PTPRT: variants seen among roughly 807,000 people sequenced by gnomAD.
PTPRT encodes receptor-type tyrosine-protein phosphatase T.
A neutral mutation model predicts 176.8 loss-of-function variants in PTPRT; 56 were observed. The ratio of observed to expected loss-of-function variants is 0.32; its 90% CI spans 0.26 to 0.40. The LOEUF (loss-of-function observed/expected upper bound fraction) is 0.40. Ranked by LOEUF, PTPRT falls within the 10% of genes least tolerant of loss-of-function variation. The pLI, the probability that PTPRT is intolerant of heterozygous loss-of-function variation, is 1.00. For synonymous variants in PTPRT, 783 were observed against 739.0 expected (o/e 1.06, Z -0.96); for missense variants, 1,540 against 1,908.2 (o/e 0.81, Z 3.60).
At chr20:42,455,425 T>C (rs2070904919) in intron 8 of PTPRT, among the ~76,000 whole-genome samples, 2 of 152,180 alleles carry the variant, frequency 1.3e-5, no homozygotes, top group East Asian at 1.9e-4. Flanking sequence ...CCTGAGACCA[T>C]CTCCTAAATA....
the PTPRT span, among the ~76,000 whole-genome samples, chr20:42,049,104 A>G: frequency 1.5e-3 from 225 of 152,238 alleles, 2 homozygotes; most frequent in African/African-American, 5.2e-3. Flanking sequence ...AGAGGCGCAT[A>G]CCACTGCCAC....
intron 1 of PTPRT, among the ~76,000 whole-genome samples, chr20:43,162,004 T>C (rs2014712961): frequency 1.3e-5 from 2 of 152,220 alleles, no homozygotes; most frequent in Admixed American, 1.3e-4. Context: ...TAGATTATTA[T>C]TGCAACATTA....
intron 1 of PTPRT, among the ~76,000 whole-genome samples, chr20:43,049,144 C>A (rs1986951143): frequency 6.6e-6 from 1 of 152,162 alleles, no homozygotes. Context: ...ACCTCTCAGC[C>A]CCACCATTCT....
the PTPRT span, among the ~76,000 whole-genome samples, chr20:42,056,023 C>T: frequency 6.6e-6 from 1 of 152,204 alleles, no homozygotes; most frequent in Non-Finnish European, 1.5e-5. Flanking sequence ...CCGCTGTCCC[C>T]TCTTAGTCCT....
chr20:43,163,127 T>TA (rs1356386525), intron 1 of PTPRT, among the ~76,000 whole-genome samples: 1 of 152,184 alleles, frequency 6.6e-6, no homozygotes, highest in Non-Finnish European at 1.5e-5. Context: ...TGGCAATCCT[T>TA]ACAAAAGTTT....
intron 16 of PTPRT, among the ~76,000 whole-genome samples, chr20:42,197,570 A>C (rs535005705): frequency 6.6e-6 from 1 of 152,142 alleles, no homozygotes; most frequent in East Asian, 1.9e-4. Context: ...CAATTTGACT[A>C]TGAACTGGTA....
chr20:42,610,392 GTTTTT>G (rs1219274178), intron 7 of PTPRT, among the ~76,000 whole-genome samples: 19 of 128,996 alleles, frequency 1.5e-4, no homozygotes, highest in Admixed American at 3.9e-4. Flanking sequence ...TTTTTTTTTT[GTTTTT>G]TTTTTTGAGA....
At chr20:42,211,843 C>G (rs1168204445) in intron 15 of PTPRT, among the ~76,000 whole-genome samples, 1 of 151,698 alleles carries the variant, frequency 6.6e-6, no homozygotes, top group Non-Finnish European at 1.5e-5. Flanking sequence ...AAGACACATG[C>G]ACACATATGT....
chr20:43,001,883 AAAAC>A (rs774894717), intron 1 of PTPRT, among the ~76,000 whole-genome samples: 9,143 of 144,804 alleles, frequency 0.063, 301 homozygotes, highest in Non-Finnish European at 0.078. Flanking sequence ...AACAAACAAA[AAAAC>A]AAACAAAAAA....
Position 42,352,213 on chromosome 20 carries a change from G to T in PTPRT, c.1633C>A (p.Leu545Ile), listed in dbSNP as rs1338174649. The change falls in exon 10 of 31, where the codon CTC becomes ATC. Residue 545 changes from leucine (L) to isoleucine (I), a missense_variant. Physicochemically the swap from Leu to Ile is conservative, Grantham distance 5. Transcript: ENST00000373187. Reference sequence around the variant, plus strand: ...AAGAGGTGGTGGGTTTCATTCCGGAGCTTGAACACTTTCCCCCTCTGGCTC... The same window carrying T: ...AAGAGGTGGTGGGTTTCATTCCGGATCTTGAACACTTTCCCCCTCTGGCTC... ...LSSQRGKVFK[L>I]RNETHHLFVG... is the part of the protein sequence containing the mutation. 6.2e-7 allele frequency: 1 copy of T among 1,614,154 alleles called. No homozygotes were observed. The highest frequency in any genetic ancestry group is 1.7e-5 in the Admixed American group (1 of 60,022).
rs937708186 is a variant in PTPRT at position 42,678,236 on chromosome 20, G to GGACA, written c.860-81_860-78dup. On this transcript the variant is annotated intron_variant, in intron 6 of 30. Coordinates refer to ENST00000373187, the MANE Select transcript of PTPRT (RefSeq NM_007050.6). ...CAGACTACAAGCACATGACGACAAG[G>GGACA]GACAGAATTCTTGATGTAGCCACAA... 13 of 1,387,980 alleles carry GGACA rather than the reference G, an allele frequency of 9.4e-6. No homozygotes were observed. In the African/African-American group the frequency reaches 1.9e-4, roughly 20 times the overall value. 86.0% of individuals were successfully genotyped at this position (1,387,980 alleles called of 1,614,324 possible).
chr20:42,166,594 G>A (rs1037389435), intron 16 of PTPRT, among the ~76,000 whole-genome samples: 9 of 152,076 alleles, frequency 5.9e-5, no homozygotes, highest in Non-Finnish European at 1.3e-4. Context: ...TTTTGTTTTA[G>A]TGCTCACTAA....
chr20:42,461,504 C>T (rs1043610951), intron 8 of PTPRT, among the ~76,000 whole-genome samples: 1 of 152,178 alleles, frequency 6.6e-6, no homozygotes, highest in Non-Finnish European at 1.5e-5. Flanking sequence ...CACTGCCCTC[C>T]AGCCTGGGAG....
chr20:43,010,616 G>A (rs1600645440), intron 1 of PTPRT, among the ~76,000 whole-genome samples: 1 of 152,050 alleles, frequency 6.6e-6, no homozygotes, highest in Admixed American at 6.6e-5. Context: ...CTGGTTGACA[G>A]CATCATCGTC....
chr20:42,640,805 A>G (rs1445132128), intron 7 of PTPRT, among the ~76,000 whole-genome samples: 1 of 152,152 alleles, frequency 6.6e-6, no homozygotes, highest in Non-Finnish European at 1.5e-5. Context: ...CCTCTGTGTC[A>G]GTCAGATTTT....
In PTPRT at chr20:42,110,387, C is replaced by T. The variant is rs749859329; in HGVS notation, c.3200G>A (p.Arg1067His). ...CYATGLLGFVRQVKFLNPPEA... is the reference protein window; with the variant it reads ...CYATGLLGFVHQVKFLNPPEA... ...CGGGGGGTTGAGGAACTTGACCTGGCGGACGAAGCCCAGAAGGCCAGTGGC... is the reference window on the plus strand; with the variant it reads ...CGGGGGGTTGAGGAACTTGACCTGGTGGACGAAGCCCAGAAGGCCAGTGGC... Residue 1067 changes from arginine (R) to histidine (H), a missense_variant, in exon 23 of 31, where the codon CGC becomes CAC. This residue lies in a region of PTPRT where 248 missense variants were observed against 356.7 expected (regional missense o/e 0.70). Coordinates refer to ENST00000373187, the MANE Select transcript of PTPRT (RefSeq NM_007050.6). 43 of 1,612,252 alleles carry T rather than the reference C, an allele frequency of 2.7e-5. No homozygotes were observed. Among genetic ancestry groups the T allele is most frequent in the African/African-American group, 4.0e-5 (3 of 75,032 alleles).
chr20:42,951,918 T>C (rs1425411442), intron 1 of PTPRT, among the ~76,000 whole-genome samples: 1 of 152,112 alleles, frequency 6.6e-6, no homozygotes, highest in Non-Finnish European at 1.5e-5. Flanking sequence ...ATGAAGTATG[T>C]GAAAGAGTCA....
intron 7 of PTPRT, 146 bp from the exon 8 acceptor site, chr20:42,472,708 T>C (rs574324571): frequency 1.2e-6 from 1 of 801,030 alleles, no homozygotes; most frequent in East Asian, 2.7e-5. Flanking sequence ...ACACAGGCAA[T>C]ATAATTTAGA....
intron 7 of PTPRT, among the ~76,000 whole-genome samples, chr20:42,473,303 C>T (rs2071231190): frequency 6.6e-6 from 1 of 152,144 alleles, no homozygotes; most frequent in Non-Finnish European, 1.5e-5. Context: ...CCCAGATCAC[C>T]ATACATAATG....
Sources: allele counts gnomAD v4.1 joint callset (sites outside exome capture counted in the v4.1 genomes callset), GRCh38; gene constraint gnomAD v4.1.1; regional missense constraint gnomAD v4.1.1; transcripts MANE v1.5; gene names NCBI Gene and HGNC (gene_info 2026-07-23, HGNC 2026-07-21).